Variants in SYTL2 observed in about 807,000 individuals in gnomAD.
SYTL2 encodes the protein synaptotagmin-like protein 2.
Under a neutral mutation model 198.7 loss-of-function variants are expected in SYTL2, and 165 were observed. The ratio of observed to expected loss-of-function variants is 0.83; its 90% confidence interval spans 0.73 to 0.94. SYTL2 has a LOEUF of 0.94. Among genes scored for constraint, SYTL2 ranks in the 40% least tolerant of loss-of-function variants. The probability of loss-of-function intolerance (pLI) is 0.00; values close to 1 mark genes in which losing one functional copy is unlikely to be tolerated. For synonymous variants in SYTL2, 966 were observed against 917.7 expected (o/e 1.05, Z -0.95); for missense variants, 2,835 against 2,582.8 (o/e 1.10, Z -2.12).
chr11:85,714,656 A>T (rs2086867823), intron 11 of SYTL2, 149 bp from the exon 12 acceptor site: 1 of 1,392,764 alleles, frequency 7.2e-7, no homozygotes, highest in Non-Finnish European at 9.3e-7. Flanking sequence ...GCACAGGATC[A>T]TGAGATTAGC....
the SYTL2 span, among the ~76,000 whole-genome samples, chr11:85,843,048 C>T: frequency 6.6e-6 from 1 of 152,150 alleles, no homozygotes; most frequent in African/African-American, 2.4e-5. Flanking sequence ...AAACTTGAAG[C>T]TTGTTTAGAT....
At chr11:85,815,253 T>C (rs1306205691), upstream of SYTL2, among the ~76,000 whole-genome samples, 1 of 152,228 alleles carries the variant, frequency 6.6e-6, no homozygotes, top group Non-Finnish European at 1.5e-5. Flanking sequence ...CTTTAAGCTA[T>C]GTGAATTTAT....
intron 1 of SYTL2, among the ~76,000 whole-genome samples, chr11:85,798,682 A>C (rs759506588): frequency 6.6e-6 from 1 of 152,120 alleles, no homozygotes; most frequent in African/African-American, 2.4e-5. Flanking sequence ...ACTGGGTGGG[A>C]GCTCCCACGG....
At chr11:85,737,704 A>T (rs563830624) in intron 4 of SYTL2, 48 bp from the exon 5 acceptor site, 1 of 1,516,352 alleles carries the variant, frequency 6.6e-7, no homozygotes. Context: ...CCTTTTGAGG[A>T]ATCATAAATT....
At chr11:85,757,315 T>TAC (rs773765071) in intron 2 of SYTL2, among the ~76,000 whole-genome samples, 14 of 151,898 alleles carry the variant, frequency 9.2e-5, no homozygotes, top group African/African-American at 3.1e-4. Flanking sequence ...TGGATAGAAA[T>TAC]ACACACACAC....
At chr11:85,822,822 C>T in the SYTL2 span, among the ~76,000 whole-genome samples, 405 of 152,276 alleles carry the variant, frequency 2.7e-3, 8 homozygotes, top group Non-Finnish European at 4.6e-4. Flanking sequence ...GGAGTAGGAC[C>T]GTAACTAACG....
At chr11:85,705,473 C>A (rs950329694) in intron 15 of SYTL2, among the ~76,000 whole-genome samples, 2 of 152,088 alleles carry the variant, frequency 1.3e-5, no homozygotes, top group Non-Finnish European at 2.9e-5. Context: ...GCAGAAAGAA[C>A]AGAGTTCCCA....
At position 85,726,291 on chromosome 11, in the gene SYTL2, A is replaced by G. The variant is rs758263181; in HGVS notation, c.3067T>C (p.Phe1023Leu). ...TTACCTGATAATTTAATGTCGCTGAATTCCTTGTGTTTCTGCCTATTAAAA... is the reference window on the plus strand; with the variant it reads ...TTACCTGATAATTTAATGTCGCTGAGTTCCTTGTGTTTCTGCCTATTAAAA... ...APFNRQKHKE[F>L]SDIKLSGKNT... is the part of the protein sequence containing the mutation. The change falls in exon 8 of 20, where the codon TTC (phenylalanine) becomes CTC (leucine). Residue 1023 changes from phenylalanine (F) to leucine (L), a missense_variant. By Grantham distance (22) the Phe-to-Leu change is conservative (BLOSUM62 0). Around this residue, in one of 3 missense-constraint regions of SYTL2, gnomAD observed 2,645 missense variants for 2,381.7 expected, o/e 1.11. Transcript: ENST00000359152. The G allele has an allele frequency of 1.9e-6, 3 of 1,614,006 alleles. No individual in the cohort carries two copies. In the South Asian group the frequency reaches 3.3e-5, roughly 18 times the overall value.
At chr11:85,752,145 G>T (rs891608269) in intron 2 of SYTL2, among the ~76,000 whole-genome samples, 1 of 152,124 alleles carries the variant, frequency 6.6e-6, no homozygotes, top group Non-Finnish European at 1.5e-5. Flanking sequence ...GCAGGACCTG[G>T]TTCATAGTAT....
chr11:85,724,568 G>A lies in SYTL2; in HGVS notation c.4790C>T (p.Ser1597Leu), dbSNP rs747723673. 7.4e-6 allele frequency: 12 copies of A among 1,613,564 alleles called. No individual in the cohort carries two copies. Among genetic ancestry groups the A allele is most frequent in the South Asian group, 2.2e-5 (2 of 90,984 alleles). The change falls in exon 8 of 20, where the codon TCA becomes TTA. Residue 1597 changes from serine (S) to leucine (L), a missense_variant. Coordinates refer to ENST00000359152, the MANE Select transcript of SYTL2 (RefSeq NM_206927.4). ...VREETHEKESSQSEQTRFLGT... is the reference protein window; with the variant it reads ...VREETHEKESLQSEQTRFLGT... ...CAAGAACCTGGTCTGCTCTGACTGTGAGGACTCCTTCTCGTGAGTTTCTTC... is the reference window on the plus strand; with the variant it reads ...CAAGAACCTGGTCTGCTCTGACTGTAAGGACTCCTTCTCGTGAGTTTCTTC...
intron 16 of SYTL2, among the ~76,000 whole-genome samples, chr11:85,702,626 T>C (rs1366986765): frequency 6.6e-6 from 1 of 152,218 alleles, no homozygotes; most frequent in Non-Finnish European, 1.5e-5. Context: ...CCAGATCACA[T>C]GAAAACTGGG....
At chr11:85,852,720 G>T in the SYTL2 span, 1 of 238,580 alleles carries the variant, frequency 4.2e-6, no homozygotes, top group Non-Finnish European at 8.2e-6. Flanking sequence ...ATCACGGCTA[G>T]CTATAACCTC....
chr11:85,797,025 TA>T (rs936826167), intron 1 of SYTL2, among the ~76,000 whole-genome samples: 4 of 151,886 alleles, frequency 2.6e-5, no homozygotes, highest in Non-Finnish European at 5.9e-5. Flanking sequence ...CCCATCTCTA[TA>T]AAAAAAAATT....
chr11:85,852,608 G>A, the SYTL2 span: 34 of 177,048 alleles, frequency 1.9e-4, no homozygotes, highest in East Asian at 1.8e-3. Flanking sequence ...GCTCCTAACC[G>A]CGAGTGATCT....
chr11:85,797,640 A>AG (rs1397289672), intron 1 of SYTL2, among the ~76,000 whole-genome samples: 3 of 151,804 alleles, frequency 2.0e-5, no homozygotes, highest in African/African-American at 4.8e-5. Context: ...AAAAAAAAAA[A>AG]GAAAAGAAAA....
chr11:85,786,039 G>A (rs2092630347), intron 1 of SYTL2, among the ~76,000 whole-genome samples: 1 of 152,152 alleles, frequency 6.6e-6, no homozygotes, highest in East Asian at 1.9e-4. Context: ...AACAAACTCT[G>A]GTACATCCAT....
chr11:85,833,294 T>TGTATATCATATATATACACAATA, the SYTL2 span, among the ~76,000 whole-genome samples: 2 of 148,552 alleles, frequency 1.3e-5, no homozygotes, highest in East Asian at 3.9e-4. Context: ...GGGTACATCA[T>TGTATATCATATATATACACAATA]TATATCATAT....
At chr11:85,771,627 T>G (rs980549950) in intron 1 of SYTL2, among the ~76,000 whole-genome samples, 2 of 152,270 alleles carry the variant, frequency 1.3e-5, no homozygotes. Context: ...TTTTACACTG[T>G]AGGAGAAACT....
intron 1 of SYTL2, among the ~76,000 whole-genome samples, chr11:85,782,131 C>T (rs1486295025): frequency 6.6e-6 from 1 of 152,242 alleles, no homozygotes; most frequent in African/African-American, 2.4e-5. Flanking sequence ...GGCATTTCCA[C>T]ACATCCTCTG....
Sources: gnomAD v4.1 joint callset for allele counts (sites outside exome capture counted in the v4.1 genomes callset) on GRCh38, gnomAD v4.1.1 for gene constraint, gnomAD v4.1.1 regional missense constraint, MANE v1.5 for transcripts, NCBI Gene and HGNC (gene_info 2026-07-23, HGNC 2026-07-21) for gene names.